Variants in DNAI3 observed in about 807,000 individuals in gnomAD.
DNAI3 encodes dynein axonemal intermediate chain 3.
DNAI3 carries 83 observed loss-of-function variants against 115.5 expected under a neutral mutation model. That is an observed-to-expected ratio of 0.72 (90% CI 0.60 to 0.86). The LOEUF is 0.86. Among genes scored for constraint, DNAI3 ranks in the 40% least tolerant of loss-of-function variants. The probability of loss-of-function intolerance (pLI) is 0.00; values close to 1 mark genes in which losing one functional copy is unlikely to be tolerated. For missense variants in DNAI3, 1,004 were observed against 1,075.8 expected (o/e 0.93, Z 0.93); for synonymous variants, 320 against 347.0 (o/e 0.92, Z 0.86).
chr1:85,093,704 C>A, intron 9 of DNAI3, 56 bp downstream of exon 9: 1 of 1,604,914 alleles, frequency 6.2e-7, no homozygotes, highest in Non-Finnish European at 8.5e-7. Flanking sequence ...TTGTCTGTTG[C>A]TTTCATATGT....
intron 2 of DNAI3, among the ~76,000 whole-genome samples, chr1:85,072,817 T>C (rs781170869): frequency 5.3e-5 from 8 of 150,750 alleles, no homozygotes; most frequent in South Asian, 2.1e-4. Context: ...TAGCCGGGTG[T>C]GGTGGCGGGC....
chr1:85,132,120 C>T (rs997168951), intron 22 of DNAI3, among the ~76,000 whole-genome samples: 16 of 152,200 alleles, frequency 1.1e-4, no homozygotes. Flanking sequence ...TCAGAAATGT[C>T]TCCTTCTAAG....
intron 18 of DNAI3, among the ~76,000 whole-genome samples, chr1:85,123,188 C>A (rs536707820): frequency 6.6e-6 from 1 of 152,198 alleles, no homozygotes; most frequent in East Asian, 1.9e-4. Flanking sequence ...CATCTTAGAC[C>A]ACGCCACCAT....
At chr1:85,081,608 T>G (rs1654634909) in intron 4 of DNAI3, among the ~76,000 whole-genome samples, 193 bp downstream of exon 4, 1 of 152,186 alleles carries the variant, frequency 6.6e-6, no homozygotes, top group African/African-American at 2.4e-5. Context: ...TGACTTGTTA[T>G]CTAATCCCAC....
At chr1:85,111,806 C>A (rs1384278885) in intron 16 of DNAI3, among the ~76,000 whole-genome samples, 1 of 152,132 alleles carries the variant, frequency 6.6e-6, no homozygotes, top group Non-Finnish European at 1.5e-5. Flanking sequence ...AATTGACATA[C>A]AATGAACTGC....
chr1:85,090,188 A>G lies in DNAI3; in HGVS notation c.813A>G (p.Lys271=), dbSNP rs1379571640. 3.1e-6 allele frequency: 5 copies of G among 1,590,484 alleles called. No individual in the cohort carries two copies. Among genetic ancestry groups the G allele is most frequent in the Non-Finnish European group, 4.3e-6 (5 of 1,170,958 alleles). Reference sequence around the variant, plus strand: ...CAGAAGAGGAAAAAGAGACACTCAAACAATCAAAGCCTTTGGTTGATTTTC... The same window carrying G: ...CAGAAGAGGAAAAAGAGACACTCAAGCAATCAAAGCCTTTGGTTGATTTTC... The part of the protein sequence containing the change: ...EFSEEEKETL[K]QSKPLVDFLN... The change falls in exon 8 of 23, where the codon AAA becomes AAG. Residue 271 remains lysine (K), a synonymous_variant. Transcript: ENST00000294664.
Position 85,126,679 on chromosome 1 carries a change from A to G in DNAI3, c.2281A>G (p.Thr761Ala), listed in dbSNP as rs201463166. 187 of 1,614,136 alleles carry G rather than the reference A, an allele frequency of 1.2e-4. No homozygotes were observed. The highest frequency in any genetic ancestry group is 1.1e-5 in the Non-Finnish European group (13 of 1,180,014). The change falls in exon 20 of 23, where the codon ACT becomes GCT. Residue 761 changes from threonine to alanine, a missense_variant. Thr to Ala is a moderately conservative substitution (Grantham distance 58). Around this residue, in one of 3 missense-constraint regions of DNAI3, gnomAD observed 429 missense variants for 454.3 expected, o/e 0.94. Transcript: ENST00000294664. ...AGCCCAGTCTCAAAACATTTGCATA[A>G]CTATGATCACCTACATCAAACCCTG... ...EPAQSQNICI[T>A]MITYIKPWIF...
At chr1:85,124,988 C>T (rs1437269213) in intron 19 of DNAI3, among the ~76,000 whole-genome samples, 2 of 152,136 alleles carry the variant, frequency 1.3e-5, no homozygotes, top group Non-Finnish European at 2.9e-5. Context: ...GGTATGTCAG[C>T]AGGCAGACCC....
At chr1:85,087,793 A>C (rs1197832865) in intron 7 of DNAI3, among the ~76,000 whole-genome samples, 1 of 152,226 alleles carries the variant, frequency 6.6e-6, no homozygotes, top group East Asian at 1.9e-4. Context: ...TATGAAATAC[A>C]CAGTGAGACA....
intron 3 of DNAI3, among the ~76,000 whole-genome samples, chr1:85,080,179 G>A (rs1172885993): frequency 1.3e-5 from 2 of 150,278 alleles, no homozygotes; most frequent in Admixed American, 1.3e-4. Context: ...AGCCTCCCGA[G>A]TAGCTGGGAC....
intron 16 of DNAI3, 96 bp from the exon 17 acceptor site, chr1:85,117,633 A>G: frequency 6.5e-7 from 1 of 1,534,296 alleles, no homozygotes. Flanking sequence ...AATGGGGCAA[A>G]TGCAGGTGGC....
chr1:85,088,217 A>G (rs1654854534), intron 7 of DNAI3, among the ~76,000 whole-genome samples: 3 of 152,132 alleles, frequency 2.0e-5, no homozygotes, highest in Admixed American at 2.0e-4. Flanking sequence ...AGTACCAAGA[A>G]TGAGTCAGCC....
chr1:85,082,288 A>T lies in DNAI3; in HGVS notation c.286-12A>T, dbSNP rs375428659. On this transcript the variant is annotated splice_polypyrimidine_tract_variant and intron_variant, in intron 4 of 22. Transcript: ENST00000294664. The stretch of plus-strand genomic sequence containing the variant: ...TGAACATTAACTTCCTATCTCAATT[A>T]TATTCTTGTAGGAATATCCTGGAAA... The T allele has an allele frequency of 6.3e-7, 1 of 1,595,958 alleles. No homozygotes were observed. Among genetic ancestry groups the T allele is most frequent in the South Asian group, 1.1e-5 (1 of 89,566 alleles).
At chr1:85,104,756 A>G (rs1655434592) in intron 14 of DNAI3, among the ~76,000 whole-genome samples, 159 bp downstream of exon 14, 1 of 152,240 alleles carries the variant, frequency 6.6e-6, no homozygotes, top group Non-Finnish European at 1.5e-5. Flanking sequence ...CTAGCTTAAA[A>G]ATTGTTTTAT....
chr1:85,107,248 G>A (rs528466716), intron 14 of DNAI3, among the ~76,000 whole-genome samples: 11 of 152,258 alleles, frequency 7.2e-5, no homozygotes, highest in African/African-American at 2.4e-4. Flanking sequence ...ATACACCCAA[G>A]AGAAATGCAA....
chr1:85,085,719 G>A (rs1654780799), intron 6 of DNAI3, 112 bp from the exon 7 acceptor site: 2 of 811,226 alleles, frequency 2.5e-6, no homozygotes, highest in South Asian at 3.5e-5. Context: ...CAGAGCTGGA[G>A]GTGCTCACAG....
At chr1:85,074,085 C>T (rs922274638) in intron 3 of DNAI3, among the ~76,000 whole-genome samples, 6 of 152,126 alleles carry the variant, frequency 3.9e-5, no homozygotes, top group Admixed American at 3.9e-4. Context: ...TCCACACCTC[C>T]CTACCCCTTT....
At position 85,117,820 on chromosome 1, in the gene DNAI3, A is replaced by C; in HGVS notation, c.1878A>C (p.Pro626=). The change falls in exon 17 of 23, where the codon CCA becomes CCC. Residue 626 remains proline, a synonymous_variant. Coordinates refer to ENST00000294664, the MANE Select transcript of DNAI3 (RefSeq NM_145172.5). Reference sequence around the variant, plus strand: ...GTGGGATGGCCAATCTTCTCAAGCCAATAGATGACTTCTGCACAAAGTTCT... The same window carrying C: ...GTGGGATGGCCAATCTTCTCAAGCCCATAGATGACTTCTGCACAAAGTTCT... The part of the protein sequence containing the change: ...LESGMANLLK[P]IDDFCTKFFV... 1 of 1,613,826 alleles carries C rather than the reference A, an allele frequency of 6.2e-7. No individual in the cohort carries two copies. The highest frequency in any genetic ancestry group is 8.5e-7 in the Non-Finnish European group (1 of 1,179,762).
At chr1:85,097,426 C>T (rs763077886) in intron 11 of DNAI3, 143 bp from the exon 12 acceptor site, 4 of 524,534 alleles carry the variant, frequency 7.6e-6, no homozygotes, top group Non-Finnish European at 1.2e-5. Context: ...TTAAAAATTG[C>T]TGACTTACTT....
Sources: gnomAD v4.1 joint callset for allele counts (sites outside exome capture counted in the v4.1 genomes callset) on GRCh38, gnomAD v4.1.1 for gene constraint, gnomAD v4.1.1 regional missense constraint, MANE v1.5 for transcripts, NCBI Gene and HGNC (gene_info 2026-07-23, HGNC 2026-07-21) for gene names.